The following PCDHGA5 variants were observed in gnomAD, a reference collection of about 807,000 sequenced individuals.
PCDHGA5 encodes protocadherin gamma-A5.
In PCDHGA5, 36 loss-of-function variants were observed where a neutral mutation model predicts 56.7. The ratio of observed to expected loss-of-function variants is 0.64; its 90% CI spans 0.49 to 0.84. The LOEUF (loss-of-function observed/expected upper bound fraction) is 0.84. PCDHGA5 is among the 40% of genes least tolerant of loss of function. The pLI, the probability that PCDHGA5 is intolerant of heterozygous loss-of-function variation, is 0.00. For synonymous variants in PCDHGA5, 563 were observed against 520.2 expected (o/e 1.08, Z -1.12); for missense variants, 1,305 against 1,201.5 (o/e 1.09, Z -1.27).
chr5:141,399,278 G>A (rs1373250809), intron 1 of PCDHGA5: 2 of 1,613,792 alleles, frequency 1.2e-6, no homozygotes, highest in African/African-American at 1.3e-5. Context: ...CAATTACAAG[G>A]CGAAGTCCCT....
chr5:141,507,296 C>T (rs1020117646), intron 3 of PCDHGA5: 1 of 141,360 alleles, frequency 7.1e-6, no homozygotes, highest in Non-Finnish European at 1.5e-5. Flanking sequence ...TCAAATGTTG[C>T]ATGAGACATA....
intron 1 of PCDHGA5, chr5:141,398,701 C>G (rs757215015): frequency 6.2e-7 from 1 of 1,613,658 alleles, no homozygotes; most frequent in African/African-American, 1.3e-5. Flanking sequence ...TAGTAAATAC[C>G]CGGAACTGGC....
At chr5:141,370,214 C>A (rs988145754) in intron 1 of PCDHGA5, 8 of 565,608 alleles carry the variant, frequency 1.4e-5, no homozygotes, top group Non-Finnish European at 2.1e-5. Flanking sequence ...ATTGGCTCCT[C>A]CCGCTGCAGC....
intron 1 of PCDHGA5, chr5:141,400,091 C>A: frequency 6.2e-7 from 1 of 1,614,072 alleles, no homozygotes; most frequent in Non-Finnish European, 8.5e-7. Context: ...GCCACCGCCA[C>A]GCTGCACTTG....
chr5:141,393,187 A>T (rs1327222319), intron 1 of PCDHGA5: 1 of 1,613,380 alleles, frequency 6.2e-7, no homozygotes, highest in East Asian at 2.2e-5. Flanking sequence ...GAAATAATTG[A>T]TATTAACGAT....
At chr5:141,423,342 C>A in intron 1 of PCDHGA5, 1 of 1,613,824 alleles carries the variant, frequency 6.2e-7, no homozygotes, top group South Asian at 1.1e-5. Flanking sequence ...CCTGCATCTT[C>A]CTGGTCTTTG....
chr5:141,371,597 A>T (rs982667859), intron 1 of PCDHGA5: 1 of 1,613,908 alleles, frequency 6.2e-7, no homozygotes, highest in African/African-American at 1.3e-5. Context: ...CCAAAAACAC[A>T]TACAGGTTGG....
intron 1 of PCDHGA5, among the ~76,000 whole-genome samples, chr5:141,482,127 T>C (rs2099553382): frequency 6.6e-6 from 1 of 151,774 alleles, no homozygotes; most frequent in African/African-American, 2.4e-5. Flanking sequence ...GGGAGAATCA[T>C]ATGGCTGGCA....
rs116187844 is a variant in PCDHGA5, at chr5:141,424,198, C to T, written c.2421+57447C>T. The T allele has an allele frequency of 8.5e-3, 1,543 of 182,010 alleles. 28 individuals are homozygous for T. Among genetic ancestry groups the T allele is most frequent in the African/African-American group, 0.035 (1,445 of 41,852 alleles). The allele number at this position is 182,010 out of a possible 1,614,324, so 11.3% of individuals were successfully genotyped here. ...ATACACATGCACACACACTTATACA[C>T]GTAAGCTTTTCTCTGAGCAATTTTA... On this transcript the variant is annotated intron_variant, in intron 1 of 3. Coordinates refer to ENST00000518069, the MANE Select transcript of PCDHGA5 (RefSeq NM_018918.3).
Position 141,477,289 on chromosome 5 carries a change from T to G in PCDHGA5, c.2422-17518T>G, listed in dbSNP as rs759477848. On this transcript the variant is annotated intron_variant, in intron 1 of 3. Coordinates refer to ENST00000518069, the MANE Select transcript of PCDHGA5 (RefSeq NM_018918.3). The surrounding 1 kb of genome is among the most constrained non-coding windows in gnomAD (Gnocchi z 4.9). ...AGAACGGGCTGGTGACCTGCGAAGT[T>G]CCACCGGGTCTCCCTTTCAGCCTTA... The G allele has an allele frequency of 3.2e-5, 52 of 1,614,046 alleles. No individual in the cohort carries two copies. Among genetic ancestry groups the G allele is most frequent in the Non-Finnish European group, 4.2e-5 (50 of 1,180,040 alleles).
chr5:141,491,291 C>A lies in PCDHGA5; in HGVS notation c.2422-3516C>A. The A allele has an allele frequency of 8.1e-6, 13 of 1,614,152 alleles. No individual in the cohort carries two copies. Among genetic ancestry groups the A allele is most frequent in the Non-Finnish European group, 1.1e-5 (13 of 1,179,974 alleles). On this transcript the variant is annotated intron_variant, in intron 1 of 3. Transcript: ENST00000518069. This position sits in a 1 kb window ranked among gnomAD's most constrained non-coding sequence, Gnocchi z 6.9. The stretch of plus-strand genomic sequence containing the variant: ...AAATCCAGTGACTTCCTCATACACC[C>A]TCCTGAGCGTTCAGACCTTACCCTT...
intron 1 of PCDHGA5, among the ~76,000 whole-genome samples, chr5:141,481,250 C>A (rs1160186962): frequency 2.6e-5 from 4 of 152,144 alleles, no homozygotes; most frequent in Non-Finnish European, 5.9e-5. Context: ...TAGCATAGCT[C>A]TAAAAGATCA....
chr5:141,467,781 C>T (rs2099151581), intron 1 of PCDHGA5, among the ~76,000 whole-genome samples: 1 of 152,228 alleles, frequency 6.6e-6, no homozygotes, highest in South Asian at 2.1e-4. Context: ...ACCTCAGCCT[C>T]TCAAGTAGCT....
chr5:141,488,193 T>C (rs1211647195), intron 1 of PCDHGA5, among the ~76,000 whole-genome samples: 1 of 152,122 alleles, frequency 6.6e-6, no homozygotes, highest in Non-Finnish European at 1.5e-5. Flanking sequence ...TTGGTCTGGG[T>C]CTTAGGACTC....
intron 1 of PCDHGA5, chr5:141,421,067 T>G: frequency 1.4e-5 from 8 of 591,772 alleles, no homozygotes; most frequent in Non-Finnish European, 2.3e-5. Flanking sequence ...CAAAGCGGAA[T>G]GAGATGGATA....
chr5:141,456,353 G>A (rs1041991824), intron 1 of PCDHGA5, among the ~76,000 whole-genome samples: 2 of 152,120 alleles, frequency 1.3e-5, no homozygotes, highest in South Asian at 2.1e-4. Context: ...GAAGAATGGC[G>A]TCCATGTGTG....
intron 1 of PCDHGA5, among the ~76,000 whole-genome samples, chr5:141,368,092 A>G (rs1319696119): frequency 6.6e-6 from 1 of 152,216 alleles, no homozygotes; most frequent in South Asian, 2.1e-4. Context: ...TTTGCTGAAG[A>G]TGATTTTCAG....
intron 1 of PCDHGA5, among the ~76,000 whole-genome samples, chr5:141,465,104 T>A (rs1044128193): frequency 1.3e-5 from 2 of 151,862 alleles, no homozygotes; most frequent in East Asian, 3.9e-4. Context: ...GTTTTTTTTT[T>A]AAGTGTTTTA....
chr5:141,383,727 A>G, intron 1 of PCDHGA5: 1 of 1,614,016 alleles, frequency 6.2e-7, no homozygotes, highest in South Asian at 1.1e-5. Flanking sequence ...TCAATGGGGA[A>G]GTGACATATT....
Sources: allele counts gnomAD v4.1 joint callset (sites outside exome capture counted in the v4.1 genomes callset), GRCh38; gene constraint gnomAD v4.1.1; non-coding constraint Gnocchi (gnomAD v3.1); transcripts MANE v1.5; gene names NCBI Gene and HGNC (gene_info 2026-07-23, HGNC 2026-07-21).